DIP2A: variants seen among roughly 807,000 people sequenced by gnomAD.
DIP2A encodes the protein DIP2 acetate--CoA ligase A.
DIP2A carries 85 observed loss-of-function variants against 177.4 expected under a neutral mutation model. The ratio of observed to expected loss-of-function variants is 0.48; its 90% CI spans 0.40 to 0.57. The LOEUF (loss-of-function observed/expected upper bound fraction) is 0.57, where lower values mean the gene tolerates loss of function less well. DIP2A is among the 20% of genes least tolerant of loss of function. The pLI, the probability that DIP2A is intolerant of heterozygous loss-of-function variation, is 0.00. For missense variants in DIP2A, 1,791 were observed against 2,100.2 expected, an observed-to-expected ratio of 0.85 and a Z score of 2.88; for synonymous variants, 886 against 881.8, an observed-to-expected ratio of 1.00 and a Z score of -0.08.
intron 2 of DIP2A, among the ~76,000 whole-genome samples, chr21:46,487,024 G>A (rs1345143613): frequency 2.0e-5 from 3 of 152,190 alleles, no homozygotes; most frequent in Non-Finnish European, 2.9e-5. Flanking sequence ...TTAGAGAGCT[G>A]GTGTAGTGAG....
At chr21:46,559,041 G>A (rs925158884) in intron 32 of DIP2A, 3 of 142,194 alleles carry the variant, frequency 2.1e-5, no homozygotes, top group African/African-American at 8.0e-5. Flanking sequence ...AGGTTGCAGC[G>A]AGCCAAGATC....
chr21:46,539,489 C>T (rs943194282), intron 16 of DIP2A: 18 of 323,132 alleles, frequency 5.6e-5, no homozygotes, highest in East Asian at 5.1e-4. Context: ...CCAGGCGCAC[C>T]GCCACTCCGT....
intron 8 of DIP2A, 102 bp downstream of exon 8, chr21:46,511,716 C>T (rs1478195198): frequency 1.6e-6 from 2 of 1,235,430 alleles, no homozygotes; most frequent in Non-Finnish European, 2.2e-6. Flanking sequence ...CCTGAGAAAC[C>T]AGCACAGCTG....
At chr21:46,544,004 A>G (rs1323689448) in intron 18 of DIP2A, among the ~76,000 whole-genome samples, 2 of 152,268 alleles carry the variant, frequency 1.3e-5, no homozygotes, top group Non-Finnish European at 2.9e-5. Flanking sequence ...GAAGAGGCAC[A>G]GAAGGACAGT....
chr21:46,489,930 A>T (rs2056909125), intron 2 of DIP2A, among the ~76,000 whole-genome samples: 1 of 152,094 alleles, frequency 6.6e-6, no homozygotes, highest in South Asian at 2.1e-4. Context: ...CAGAGAGTGG[A>T]GGTCCTGGTG....
At chr21:46,473,336 G>C (rs575302650) in intron 1 of DIP2A, among the ~76,000 whole-genome samples, 1 of 151,794 alleles carries the variant, frequency 6.6e-6, no homozygotes, top group African/African-American at 2.4e-5. Context: ...GTTGGTGCAT[G>C]CCTGTAATCC....
At chr21:46,530,830 G>A (rs2059326339) in intron 9 of DIP2A, among the ~76,000 whole-genome samples, 1 of 152,146 alleles carries the variant, frequency 6.6e-6, no homozygotes, top group Non-Finnish European at 1.5e-5. Context: ...AAAGTAGGAT[G>A]TACACAAAGG....
At chr21:46,495,977 C>G (rs1236278115) in intron 3 of DIP2A, among the ~76,000 whole-genome samples, 1 of 151,844 alleles carries the variant, frequency 6.6e-6, no homozygotes, top group Non-Finnish European at 1.5e-5. Context: ...GAGGCTGAGG[C>G]AGGAGAATTG....
At chr21:46,500,603 A>G (rs1459610870) in intron 5 of DIP2A, among the ~76,000 whole-genome samples, 2 of 152,246 alleles carry the variant, frequency 1.3e-5, no homozygotes, top group African/African-American at 4.8e-5. Flanking sequence ...AGAGCAAACA[A>G]AACATTTGTA....
chr21:46,580,960 T>C, the DIP2A span, among the ~76,000 whole-genome samples: 6 of 152,320 alleles, frequency 3.9e-5, no homozygotes, highest in South Asian at 8.3e-4. Context: ...ACTGGGGTTC[T>C]CTGGATTTCC....
chr21:46,534,452 C>T, intron 12 of DIP2A, 133 bp from the exon 13 acceptor site: 2 of 864,908 alleles, frequency 2.3e-6, no homozygotes, highest in South Asian at 3.3e-5. Context: ...TGTACCTGGG[C>T]TGCTGGTTAG....
chr21:46,536,533 GT>G (rs902982390), intron 13 of DIP2A, among the ~76,000 whole-genome samples: 3 of 152,214 alleles, frequency 2.0e-5, no homozygotes, highest in Non-Finnish European at 4.4e-5. Context: ...GAGTTGAGAA[GT>G]AAGAATATCC....
In DIP2A at chr21:46,567,660, C is replaced by T. The variant is rs561666831; in HGVS notation, c.*38C>T. 1 of 1,550,918 alleles carries T rather than the reference C, an allele frequency of 6.4e-7. No homozygotes were observed. Among genetic ancestry groups the T allele is most frequent in the South Asian group, 1.2e-5 (1 of 80,894 alleles). Reference sequence around the variant, plus strand: ...GGCCCAGGTGCCGGAGATGAATGAGCCCCAGCAGTCCAAGGTGTGATGTGG... The same window carrying T: ...GGCCCAGGTGCCGGAGATGAATGAGTCCCAGCAGTCCAAGGTGTGATGTGG... On this transcript the variant is annotated 3_prime_UTR_variant, in exon 38 of 38. Coordinates refer to ENST00000417564, the MANE Select transcript of DIP2A (RefSeq NM_015151.4).
At chr21:46,506,071 T>C (rs8130209) in intron 6 of DIP2A, among the ~76,000 whole-genome samples, 41,399 of 151,774 alleles carry the variant, frequency 0.27, 5,751 homozygotes, top group East Asian at 0.43. Flanking sequence ...TTCATTTCTT[T>C]TGGGTCAATA....
At chr21:46,535,669 A>T (rs181937520) in intron 13 of DIP2A, among the ~76,000 whole-genome samples, 3 of 152,326 alleles carry the variant, frequency 2.0e-5, no homozygotes, top group Admixed American at 6.5e-5. Context: ...AGATTTGGAA[A>T]GTGATTTTAG....
chr21:46,508,353 CT>C (rs571637777), intron 6 of DIP2A, among the ~76,000 whole-genome samples: 1,054 of 90,456 alleles, frequency 0.012, 6 homozygotes, highest in Non-Finnish European at 0.015. Context: ...TGGCCAATGA[CT>C]TTTTTTTTTT....
chr21:46,566,048 G>C (rs367734476), intron 36 of DIP2A, among the ~76,000 whole-genome samples, 161 bp downstream of exon 36: 1 of 152,216 alleles, frequency 6.6e-6, no homozygotes, highest in African/African-American at 2.4e-5. Flanking sequence ...TGAAAATACT[G>C]TTTTCCCTCC....
At chr21:46,475,104 T>C (rs540529538) in intron 1 of DIP2A, among the ~76,000 whole-genome samples, 2 of 152,164 alleles carry the variant, frequency 1.3e-5, no homozygotes, top group Admixed American at 6.5e-5. Context: ...TCCTAACTGT[T>C]CAGTTGAACA....
intron 31 of DIP2A, 88 bp from the exon 32 acceptor site, chr21:46,558,135 C>T (rs2060533042): frequency 1.5e-6 from 2 of 1,376,002 alleles, no homozygotes; most frequent in Middle Eastern, 2.6e-4. Context: ...CCTCTGTGTG[C>T]CCACCCGGAG....
Sources: allele counts gnomAD v4.1 joint callset (sites outside exome capture counted in the v4.1 genomes callset), GRCh38; gene constraint gnomAD v4.1.1; transcripts MANE v1.5; gene names NCBI Gene and HGNC (gene_info 2026-07-23, HGNC 2026-07-21).